Variants in STXBP5L observed in about 807,000 individuals in gnomAD.
STXBP5L encodes the protein syntaxin-binding protein 5-like.
A neutral mutation model predicts 144.5 loss-of-function variants in STXBP5L; 65 were observed. That is an observed-to-expected ratio of 0.45 (90% CI 0.37 to 0.55). The LOEUF (loss-of-function observed/expected upper bound fraction) is 0.55. Ranked by LOEUF, STXBP5L falls within the 20% of genes least tolerant of loss-of-function variation. The pLI is 0.00. For missense variants in STXBP5L, 1,298 were observed against 1,405.5 expected (o/e 0.92, Z 1.22); for synonymous variants, 505 against 469.6 (o/e 1.08, Z -0.97).
At chr3:121,161,305 C>A (rs189752956) in intron 9 of STXBP5L, among the ~76,000 whole-genome samples, 97 of 150,540 alleles carry the variant, frequency 6.4e-4, no homozygotes, top group African/African-American at 2.3e-3. Context: ...TGAAGTGACA[C>A]TTTGTGTGGG....
At chr3:120,974,959 T>C (rs1381730561) in intron 3 of STXBP5L, among the ~76,000 whole-genome samples, 2 of 152,198 alleles carry the variant, frequency 1.3e-5, no homozygotes, top group African/African-American at 4.8e-5. Context: ...TGTAGTATAG[T>C]TTGAAGTCGG....
At chr3:121,091,555 T>C (rs966461522) in intron 5 of STXBP5L, among the ~76,000 whole-genome samples, 14 of 152,206 alleles carry the variant, frequency 9.2e-5, no homozygotes, top group Non-Finnish European at 1.9e-4. Flanking sequence ...TTTCATGTGT[T>C]TTTTGGCTGC....
At chr3:120,927,906 T>G (rs891117546) in intron 2 of STXBP5L, among the ~76,000 whole-genome samples, 11 of 152,308 alleles carry the variant, frequency 7.2e-5, no homozygotes, top group African/African-American at 2.4e-4. Flanking sequence ...TAATTTTATT[T>G]ATTGTTAATG....
chr3:121,358,129 A>G (rs1377427178), intron 20 of STXBP5L, among the ~76,000 whole-genome samples: 1 of 152,152 alleles, frequency 6.6e-6, no homozygotes, highest in African/African-American at 2.4e-5. Context: ...GTCCAATTAC[A>G]TTCTTTAAGT....
chr3:121,067,989 A>C (rs966289505), intron 5 of STXBP5L, among the ~76,000 whole-genome samples: 1 of 152,204 alleles, frequency 6.6e-6, no homozygotes, highest in Non-Finnish European at 1.5e-5. Context: ...ATACAATTTT[A>C]AAAAATTAGT....
chr3:121,412,924 C>T (rs1431701785), intron 23 of STXBP5L, among the ~76,000 whole-genome samples: 1 of 151,936 alleles, frequency 6.6e-6, no homozygotes, highest in African/African-American at 2.4e-5. Flanking sequence ...GTTCCAGCTA[C>T]TCAGGAGGCT....
At chr3:120,976,319 A>T (rs956541591) in intron 3 of STXBP5L, among the ~76,000 whole-genome samples, 1 of 152,104 alleles carries the variant, frequency 6.6e-6, no homozygotes, top group Non-Finnish European at 1.5e-5. Flanking sequence ...TAGATTTTCT[A>T]GTTTATTTGT....
intron 2 of STXBP5L, chr3:120,924,527 A>G (rs1019578725): frequency 2.6e-5 from 4 of 152,398 alleles, no homozygotes; most frequent in Non-Finnish European, 5.9e-5. Context: ...TCAGAGAAAA[A>G]TGTCAGAGAC....
intron 2 of STXBP5L, among the ~76,000 whole-genome samples, chr3:120,927,604 G>T (rs1683985): frequency 6.6e-6 from 1 of 152,172 alleles, no homozygotes; most frequent in Non-Finnish European, 1.5e-5. Context: ...AATTTTCTTA[G>T]CTCTTGGTGC....
intron 2 of STXBP5L, among the ~76,000 whole-genome samples, chr3:120,937,683 T>G (rs1304848941): frequency 6.6e-6 from 1 of 152,138 alleles, no homozygotes; most frequent in Admixed American, 6.5e-5. Context: ...CGATGACTTC[T>G]ATCTAAGCTT....
intron 20 of STXBP5L, among the ~76,000 whole-genome samples, chr3:121,332,576 A>T (rs2044356249): frequency 6.6e-6 from 1 of 152,058 alleles, no homozygotes; most frequent in Non-Finnish European, 1.5e-5. Flanking sequence ...AAACAAAAAT[A>T]AGTTTAAAAA....
intron 12 of STXBP5L, among the ~76,000 whole-genome samples, chr3:121,236,883 A>G (rs1271493950): frequency 6.6e-6 from 1 of 152,236 alleles, no homozygotes; most frequent in Non-Finnish European, 1.5e-5. Context: ...TATTGGGTAA[A>G]CATTTCCATT....
rs536099807 is a variant in STXBP5L at position 121,121,974 on chromosome 3, T to A, written c.669+270T>A. Among the ~76,000 whole-genome samples, 4 of 151,216 alleles carry A rather than the reference T, an allele frequency of 2.6e-5. No individual in the cohort carries two copies. The East Asian group carries it at 7.7e-4, about 29-fold the overall frequency. On this transcript the variant is annotated intron_variant, in intron 7 of 26. Coordinates refer to ENST00000471454, the MANE Select transcript of STXBP5L (RefSeq NM_001308330.2). ...AGAACGATAACATGTAGAACAACTT[T>A]AATTTTCAAATACTCTATGCTTGAA...
At chr3:121,355,136 A>T (rs2045459004) in intron 20 of STXBP5L, among the ~76,000 whole-genome samples, 1 of 151,994 alleles carries the variant, frequency 6.6e-6, no homozygotes, top group Admixed American at 6.6e-5. Context: ...CCTTCATTTC[A>T]ACTTTGGTGA....
At chr3:120,974,493 G>T (rs1217095419) in intron 3 of STXBP5L, among the ~76,000 whole-genome samples, 8 of 150,624 alleles carry the variant, frequency 5.3e-5, no homozygotes, top group African/African-American at 2.0e-4. Flanking sequence ...GCTCTAGGTT[G>T]CCTGTTCACT....
intron 3 of STXBP5L, among the ~76,000 whole-genome samples, chr3:120,956,731 AT>A (rs1407834670): frequency 1.3e-5 from 2 of 151,744 alleles, no homozygotes; most frequent in South Asian, 2.1e-4. Context: ...TGTATTTTTA[AT>A]TTTTTGAGGA....
intron 24 of STXBP5L, among the ~76,000 whole-genome samples, chr3:121,413,746 T>G (rs1490197477): frequency 6.6e-6 from 1 of 152,172 alleles, no homozygotes; most frequent in African/African-American, 2.4e-5. Flanking sequence ...GGGTTAGAAT[T>G]GAGCATTTGT....
intron 3 of STXBP5L, among the ~76,000 whole-genome samples, chr3:121,002,535 T>A (rs761806797): frequency 2.8e-4 from 43 of 152,230 alleles, no homozygotes; most frequent in Non-Finnish European, 5.7e-4. Context: ...AAACTCAGTT[T>A]GATATAGTCC....
chr3:120,994,707 C>T (rs1943200355), intron 3 of STXBP5L, among the ~76,000 whole-genome samples: 1 of 151,740 alleles, frequency 6.6e-6, no homozygotes, highest in Non-Finnish European at 1.5e-5. Context: ...ATTTTTGCAT[C>T]TTTTTTCATC....
Sources: gnomAD v4.1 joint callset for allele counts (sites outside exome capture counted in the v4.1 genomes callset) on GRCh38, gnomAD v4.1.1 for gene constraint, MANE v1.5 for transcripts, NCBI Gene and HGNC (gene_info 2026-07-23, HGNC 2026-07-21) for gene names.